The following MIGA1 variants were observed in gnomAD, a reference collection of about 807,000 sequenced individuals.
MIGA1 encodes mitoguardin 1, also known as family with sequence similarity 73, member A.
MIGA1 carries 58 observed loss-of-function variants against 82.0 expected under a neutral mutation model. That is an observed-to-expected ratio of 0.71 (90% confidence interval 0.57 to 0.88). The LOEUF (loss-of-function observed/expected upper bound fraction) is 0.88, where lower values mean the gene tolerates loss of function less well. MIGA1 is among the 40% of genes least tolerant of loss of function. The probability of loss-of-function intolerance (pLI) is 0.00; values close to 1 mark genes in which losing one functional copy is unlikely to be tolerated. For missense variants in MIGA1, 751 were observed against 749.1 expected, an observed-to-expected ratio of 1.00 and a Z score of -0.03; for synonymous variants, 249 against 253.6, an observed-to-expected ratio of 0.98 and a Z score of 0.17.
chr1:77,837,086 A>G (rs1439101533), intron 7 of MIGA1, among the ~76,000 whole-genome samples: 1 of 152,226 alleles, frequency 6.6e-6, no homozygotes, highest in African/African-American at 2.4e-5. Flanking sequence ...AGCTCTTTGC[A>G]CTGTAGTGAA....
At chr1:77,806,909 T>C in intron 4 of MIGA1, 66 bp from the exon 5 acceptor site, 8 of 1,186,802 alleles carry the variant, frequency 6.7e-6, no homozygotes, top group Non-Finnish European at 9.5e-6. Flanking sequence ...AATTTGTAAA[T>C]ATGAAAGATC....
intron 2 of MIGA1, among the ~76,000 whole-genome samples, chr1:77,784,021 C>T (rs1046125272): frequency 3.9e-5 from 6 of 152,024 alleles, no homozygotes; most frequent in African/African-American, 7.3e-5. Flanking sequence ...AATAATATTT[C>T]GTTGTGTGGA....
Position 77,876,541 on chromosome 1 carries a change from T to C in MIGA1, c.*1477T>C, listed in dbSNP as rs146818268. On this transcript the variant is annotated 3_prime_UTR_variant, in exon 16 of 16. Coordinates refer to ENST00000370791, the MANE Select transcript of MIGA1 (RefSeq NM_198549.4). ...AAAGGCAATTTAAAATTTAGTGTTA[T>C]TTGAAGACTGTCAACATCTGAAGGT... 6.1e-3 allele frequency: 931 copies of C among 152,356 alleles called. 6 individuals carry two copies. Among genetic ancestry groups the C allele is most frequent in the African/African-American group, 0.021 (863 of 41,580 alleles). 9.4% of individuals were successfully genotyped at this position (152,356 alleles called of 1,614,324 possible).
intron 1 of MIGA1, chr1:77,780,208 A>G: frequency 1.0e-6 from 1 of 986,544 alleles, no homozygotes; most frequent in Non-Finnish European, 1.2e-6. Context: ...GCAGCTGGTG[A>G]GGTCTCAGGT....
intron 4 of MIGA1, 105 bp from the exon 5 acceptor site, chr1:77,806,870 G>T: frequency 1.9e-4 from 125 of 675,376 alleles, no homozygotes; most frequent in East Asian, 3.7e-4. Context: ...TACATGGATT[G>T]TCTTACCACT....
chr1:77,829,440 GA>G (rs1053829878), intron 7 of MIGA1, among the ~76,000 whole-genome samples: 52 of 152,204 alleles, frequency 3.4e-4, no homozygotes, highest in African/African-American at 1.2e-3. Flanking sequence ...AACAGAGTGA[GA>G]CCCTGTCCCT....
At chr1:77,807,188 G>T in intron 5 of MIGA1, 87 bp downstream of exon 5, 1 of 1,037,994 alleles carries the variant, frequency 9.6e-7, no homozygotes, top group Non-Finnish European at 1.4e-6. Context: ...GACAGACAGG[G>T]TCTCACTCTG....
At chr1:77,811,295 C>G in intron 5 of MIGA1, 2 of 1,599,686 alleles carry the variant, frequency 1.3e-6, no homozygotes, top group Non-Finnish European at 1.7e-6. Context: ...ATTCCTGGTT[C>G]CGATGGCAAC....
chr1:77,860,263 G>A (rs566951352), intron 11 of MIGA1, 137 bp downstream of exon 11: 9 of 600,244 alleles, frequency 1.5e-5, no homozygotes, highest in South Asian at 8.8e-5. Context: ...AGTTATGCTC[G>A]GGTTGAACTA....
intron 7 of MIGA1, among the ~76,000 whole-genome samples, chr1:77,841,256 T>C (rs1684616474): frequency 1.3e-5 from 2 of 152,096 alleles, no homozygotes; most frequent in African/African-American, 4.8e-5. Flanking sequence ...AAAGGATTGA[T>C]GTAAACGTCA....
At chr1:77,858,555 A>G (rs1384908371) in intron 8 of MIGA1, among the ~76,000 whole-genome samples, 1 of 151,990 alleles carries the variant, frequency 6.6e-6, no homozygotes, top group Non-Finnish European at 1.5e-5. Flanking sequence ...GCAAAATCCT[A>G]TTTTCTTTCC....
chr1:77,870,089 G>A (rs1685882119), intron 14 of MIGA1, among the ~76,000 whole-genome samples: 1 of 113,632 alleles, frequency 8.8e-6, no homozygotes, highest in Admixed American at 7.8e-5. Flanking sequence ...CCGGGCGGGG[G>A]GCTGACCCCC....
chr1:77,869,977 C>T (rs571263961), intron 14 of MIGA1, among the ~76,000 whole-genome samples: 26 of 140,224 alleles, frequency 1.9e-4, no homozygotes, highest in Admixed American at 5.4e-4. Context: ...ACCCCCCCAC[C>T]TCCCTCCCGG....
At chr1:77,810,725 A>C in intron 5 of MIGA1, 1 of 1,035,374 alleles carries the variant, frequency 9.7e-7, no homozygotes. Context: ...ACAGCTTTGC[A>C]TTGGACTCCG....
chr1:77,814,079 G>T (rs1030753910), intron 6 of MIGA1, among the ~76,000 whole-genome samples: 2 of 152,090 alleles, frequency 1.3e-5, no homozygotes, highest in Non-Finnish European at 2.9e-5. Context: ...TGTAAAGATG[G>T]TGTCTCACTA....
intron 11 of MIGA1, 70 bp downstream of exon 11, chr1:77,860,196 A>G: frequency 6.3e-6 from 7 of 1,109,330 alleles, no homozygotes; most frequent in Non-Finnish European, 9.2e-6. Flanking sequence ...ACTGAAGATT[A>G]AGACATTAAA....
At position 77,878,116 on chromosome 1, in the gene MIGA1, A is replaced by G. The variant is rs1571034897; in HGVS notation, c.*3052A>G. 1.3e-5 allele frequency: 2 copies of G among 152,384 alleles called. No homozygotes were observed. The highest frequency in any genetic ancestry group is 4.1e-4 in the South Asian group (2 of 4,826). The allele number at this position is 152,384 out of a possible 1,614,324, so 9.4% of individuals were successfully genotyped here. A position where few individuals can be genotyped will look rare whatever the true frequency, so the allele number is the denominator to read the frequency against. ...GTACTTAAGACATATATAACAGGCC[A>G]GGAGCAGTGGCTCACGCCTGTAATC... is the stretch of plus-strand genomic sequence containing the variant. On this transcript the variant is annotated 3_prime_UTR_variant, in exon 16 of 16. Coordinates refer to ENST00000370791, the MANE Select transcript of MIGA1 (RefSeq NM_198549.4).
intron 13 of MIGA1, among the ~76,000 whole-genome samples, chr1:77,865,962 G>A (rs1360214810): frequency 6.6e-6 from 1 of 152,086 alleles, no homozygotes; most frequent in Non-Finnish European, 1.5e-5. Flanking sequence ...CGCTAGGCTG[G>A]AGTGCAGTGG....
intron 2 of MIGA1, among the ~76,000 whole-genome samples, chr1:77,787,351 A>G (rs1347516610): frequency 6.7e-6 from 1 of 149,328 alleles, no homozygotes; most frequent in Non-Finnish European, 1.5e-5. Context: ...ATTTATATGT[A>G]TCCTTTGAAG....
Sources: allele counts gnomAD v4.1 joint callset (sites outside exome capture counted in the v4.1 genomes callset), GRCh38; gene constraint gnomAD v4.1.1; transcripts MANE v1.5; gene names NCBI Gene and HGNC (gene_info 2026-07-23, HGNC 2026-07-21).